CLTCL1: variants seen among roughly 807,000 people sequenced by gnomAD.
CLTCL1 encodes clathrin heavy chain like 1, also known as clathrin heavy chain 2.
In CLTCL1, 159 loss-of-function variants were observed where a neutral mutation model predicts 190.0. That is an observed-to-expected ratio of 0.84 (90% CI 0.74 to 0.95). The LOEUF (loss-of-function observed/expected upper bound fraction) is 0.95, where lower values mean the gene tolerates loss of function less well. CLTCL1 is among the 40% of genes least tolerant of loss of function. The pLI is 0.00. For missense variants in CLTCL1, 1,878 were observed against 2,033.4 expected (o/e 0.92, Z 1.47); for synonymous variants, 752 against 769.6 (o/e 0.98, Z 0.38).
At chr22:19,209,187 G>T (rs2085144548) in intron 20 of CLTCL1, 73 bp from the exon 21 acceptor site, 2 of 1,385,828 alleles carry the variant, frequency 1.4e-6, no homozygotes, top group Admixed American at 2.4e-5. Flanking sequence ...ATTTTTGTTT[G>T]GTTTCCTGTT....
chr22:19,183,583 C>G lies in CLTCL1; in HGVS notation c.4634G>C (p.Arg1545Pro), dbSNP rs782344707. Residue 1545 changes from arginine to proline, a missense_variant, in exon 30 of 33, where the codon CGG (arginine) becomes CCG (proline). Physicochemically the swap from Arg to Pro is moderately radical, Grantham distance 103 (BLOSUM62 -2). Transcript: ENST00000427926. ...KDAMQHAAES[R>P]DAELAQKLLQ... ...CAACTTCTGGGCCAGCTCAGCATCCCGCGACTCTGCAGCATGCTGCATGGC... is the reference window on the plus strand; with the variant it reads ...CAACTTCTGGGCCAGCTCAGCATCCGGCGACTCTGCAGCATGCTGCATGGC... The G allele has an allele frequency of 6.2e-7, 1 of 1,613,548 alleles. No homozygotes were observed. Among genetic ancestry groups the G allele is most frequent in the Non-Finnish European group, 8.5e-7 (1 of 1,179,892 alleles).
At chr22:19,267,467 T>A (rs945502700) in intron 2 of CLTCL1, among the ~76,000 whole-genome samples, 5 of 152,226 alleles carry the variant, frequency 3.3e-5, no homozygotes, top group African/African-American at 9.6e-5. Flanking sequence ...CCAAAATTTA[T>A]GTGGCAATTC....
chr22:19,221,537 A>C lies in CLTCL1; in HGVS notation c.2636T>G (p.Leu879Arg), dbSNP rs2085569955. The C allele has an allele frequency of 1.9e-6, 3 of 1,606,140 alleles. No individual in the cohort carries two copies. The highest frequency in any genetic ancestry group is 2.2e-5 in the South Asian group (2 of 89,288). The change falls in exon 17 of 33, where the codon CTG becomes CGG. Residue 879 changes from leucine (L) to arginine (R), a missense_variant. Transcript: ENST00000427926. Reference sequence around the variant, plus strand: ...GTTGCTGTCGATGTAGATTTTAGCCAGTGCATTGTGAGTGGCAGGCTCCTC... The same window carrying C: ...GTTGCTGTCGATGTAGATTTTAGCCCGTGCATTGTGAGTGGCAGGCTCCTC... ...GCEEPATHNA[L>R]AKIYIDSNNS...
chr22:19,288,514 G>C (rs1353740565), intron 1 of CLTCL1, among the ~76,000 whole-genome samples: 4 of 152,146 alleles, frequency 2.6e-5, no homozygotes, highest in Non-Finnish European at 5.9e-5. Context: ...GAGATAAGAA[G>C]TATACCTTTT....
intron 2 of CLTCL1, among the ~76,000 whole-genome samples, chr22:19,264,826 G>A (rs1308371160): frequency 1.3e-5 from 2 of 151,784 alleles, no homozygotes; most frequent in African/African-American, 4.8e-5. Flanking sequence ...TTCGCTTTTG[G>A]GGCCCAAGCT....
intron 1 of CLTCL1, among the ~76,000 whole-genome samples, chr22:19,280,400 A>G (rs73160233): frequency 0.058 from 8,877 of 152,234 alleles, 327 homozygotes; most frequent in Middle Eastern, 0.16. Flanking sequence ...GTGTATATCA[A>G]TGGATGAATA....
At chr22:19,211,766 C>CAA (rs66494838) in intron 19 of CLTCL1, among the ~76,000 whole-genome samples, 35 of 42,582 alleles carry the variant, frequency 8.2e-4, no homozygotes, top group South Asian at 3.0e-3. Context: ...GATTGCATCT[C>CAA]AAAAAAAAAA....
At chr22:19,265,130 G>A (rs1277065452) in intron 2 of CLTCL1, among the ~76,000 whole-genome samples, 1 of 152,106 alleles carries the variant, frequency 6.6e-6, no homozygotes, top group African/African-American at 2.4e-5. Context: ...TGATCAGTAA[G>A]ATAAAGGCCT....
intron 23 of CLTCL1, 56 bp downstream of exon 23, chr22:19,201,273 C>A: frequency 6.5e-7 from 1 of 1,541,778 alleles, no homozygotes; most frequent in Non-Finnish European, 8.8e-7. Flanking sequence ...ACGCAAAGGA[C>A]ACGGAGAGCG....
Position 19,260,845 on chromosome 22 carries a change from A to AAAAAC in CLTCL1, c.251-6623_251-6619dup, listed in dbSNP as rs559119486. 1.9e-3 allele frequency among the ~76,000 whole-genome samples: 290 copies of AAAAAC among 151,682 alleles called. 1 individual carries two copies. The highest frequency in any genetic ancestry group is 3.7e-3 in the Non-Finnish European group (253 of 67,884). Reference sequence around the variant, plus strand: ...TCCTCTGCCTGTGTTCTATGAATGGAAAAACAAGAGTCGTGATGATAGTAC... The same window carrying AAAAAC: ...TCCTCTGCCTGTGTTCTATGAATGGAAAAACAAAACAAGAGTCGTGATGATAGTAC... On this transcript the variant is annotated intron_variant, in intron 2 of 32. Coordinates refer to ENST00000427926, the MANE Select transcript of CLTCL1 (RefSeq NM_007098.4).
At chr22:19,241,810 T>G (rs569687385) in intron 4 of CLTCL1, among the ~76,000 whole-genome samples, 73 of 152,270 alleles carry the variant, frequency 4.8e-4, no homozygotes, top group African/African-American at 1.7e-3. Flanking sequence ...CTGGGCACAG[T>G]CTCAATCTCT....
intron 2 of CLTCL1, among the ~76,000 whole-genome samples, chr22:19,263,166 A>C (rs2087007642): frequency 6.6e-6 from 1 of 151,788 alleles, no homozygotes; most frequent in South Asian, 2.1e-4. Flanking sequence ...ACCCAGGCTG[A>C]CATGCAGTCA....
chr22:19,221,186 G>T (rs1555952039), intron 17 of CLTCL1, among the ~76,000 whole-genome samples, 191 bp downstream of exon 17: 2 of 152,220 alleles, frequency 1.3e-5, no homozygotes, highest in Non-Finnish European at 2.9e-5. Context: ...GGACCAACTG[G>T]TCTACAGGTA....
chr22:19,210,645 A>C (rs2085191409), intron 19 of CLTCL1, 136 bp from the exon 20 acceptor site: 1 of 632,910 alleles, frequency 1.6e-6, no homozygotes, highest in Admixed American at 3.0e-5. Flanking sequence ...CTGCTAAGTA[A>C]ATACAACAGA....
intron 4 of CLTCL1, among the ~76,000 whole-genome samples, chr22:19,239,604 C>T (rs2086186715): frequency 6.6e-6 from 1 of 152,234 alleles, no homozygotes; most frequent in Admixed American, 6.5e-5. Flanking sequence ...AGGGCCAATG[C>T]CAGGCAGCCT....
intron 2 of CLTCL1, among the ~76,000 whole-genome samples, chr22:19,272,505 T>C (rs2087354371): frequency 6.6e-6 from 1 of 152,158 alleles, no homozygotes; most frequent in African/African-American, 2.4e-5. Flanking sequence ...AGTTTCGCTC[T>C]TGTTGCCCAG....
chr22:19,255,153 A>G (rs781915016), intron 2 of CLTCL1, among the ~76,000 whole-genome samples: 73 of 152,366 alleles, frequency 4.8e-4, no homozygotes, highest in Non-Finnish European at 9.0e-4. Context: ...GTCTTAACTC[A>G]CAGACAACAT....
intron 18 of CLTCL1, among the ~76,000 whole-genome samples, chr22:19,218,558 C>G (rs571416381): frequency 3.2e-4 from 49 of 152,294 alleles, no homozygotes; most frequent in African/African-American, 1.2e-3. Context: ...AGCACTGGTC[C>G]AGCAGGTTGG....
intron 2 of CLTCL1, chr22:19,258,488 A>G (rs2086838478): frequency 4.1e-6 from 2 of 485,348 alleles, no homozygotes; most frequent in East Asian, 5.0e-5. Flanking sequence ...AGAACAGCCT[A>G]AGGGAGGTGG....
Sources: gnomAD v4.1 joint callset for allele counts (sites outside exome capture counted in the v4.1 genomes callset) on GRCh38, gnomAD v4.1.1 for gene constraint, MANE v1.5 for transcripts, NCBI Gene and HGNC (gene_info 2026-07-23, HGNC 2026-07-21) for gene names.